The following GPATCH2 variants were observed in gnomAD, a reference collection of about 807,000 sequenced individuals.
GPATCH2 encodes G-patch domain containing 2.
Under a neutral mutation model 58.0 loss-of-function variants are expected in GPATCH2, and 51 were observed. The ratio of observed to expected loss-of-function variants is 0.88; its 90% CI spans 0.70 to 1.11. GPATCH2 has a LOEUF of 1.11. Among genes scored for constraint, GPATCH2 ranks in the 50% most tolerant of loss-of-function variants. GPATCH2 has a pLI of 0.00. For synonymous variants in GPATCH2, 222 were observed against 218.5 expected (o/e 1.02, Z -0.14); for missense variants, 625 against 652.2 (o/e 0.96, Z 0.45).
At chr1:217,551,367 T>C (rs1467573465) in intron 5 of GPATCH2, among the ~76,000 whole-genome samples, 1 of 152,106 alleles carries the variant, frequency 6.6e-6, no homozygotes, top group Non-Finnish European at 1.5e-5. Context: ...TCAGTATCAA[T>C]TGGGAACTTG....
At chr1:217,540,426 A>G (rs1054312022) in intron 5 of GPATCH2, among the ~76,000 whole-genome samples, 1 of 152,226 alleles carries the variant, frequency 6.6e-6, no homozygotes, top group Non-Finnish European at 1.5e-5. Flanking sequence ...TCAACAAAAC[A>G]CTGCATGATT....
At chr1:217,499,635 T>A (rs1314220018) in intron 6 of GPATCH2, among the ~76,000 whole-genome samples, 2 of 152,144 alleles carry the variant, frequency 1.3e-5, no homozygotes. Context: ...TTATTGGTAT[T>A]AGTAAATAAC....
chr1:217,628,831 G>A (rs557134189), intron 1 of GPATCH2, among the ~76,000 whole-genome samples: 2 of 152,106 alleles, frequency 1.3e-5, no homozygotes, highest in Non-Finnish European at 2.9e-5. Flanking sequence ...ATCCAGACTG[G>A]TTAACAAATT....
intron 5 of GPATCH2, among the ~76,000 whole-genome samples, chr1:217,589,527 G>A (rs1049151422): frequency 6.6e-6 from 1 of 152,002 alleles, no homozygotes; most frequent in Non-Finnish European, 1.5e-5. Flanking sequence ...CGGTCTTTTG[G>A]GTCTTTGGCT....
rs375299467 is a variant in GPATCH2 at position 217,444,111 on chromosome 1, G to A, written c.1366+5138C>T. 3.1e-3 allele frequency among the ~76,000 whole-genome samples: 466 copies of A among 152,282 alleles called. 14 individuals are homozygous for A. In the South Asian group the frequency reaches 0.079, roughly 26 times the overall value. Reference sequence around the variant, plus strand: ...TAATTTAAAACTAGAAACTCATTGTGAGGGCAGCCTCTTGGTCACAAATCT... The same window carrying A: ...TAATTTAAAACTAGAAACTCATTGTAAGGGCAGCCTCTTGGTCACAAATCT... On this transcript the variant is annotated intron_variant, in intron 9 of 9. Transcript: ENST00000366935.
intron 5 of GPATCH2, among the ~76,000 whole-genome samples, chr1:217,521,018 A>G (rs1663425337): frequency 6.6e-6 from 1 of 152,040 alleles, no homozygotes; most frequent in Non-Finnish European, 1.5e-5. Flanking sequence ...TTACTTCTTA[A>G]AAGTTTGTAT....
chr1:217,493,731 TAAGTC>T (rs1287412651), intron 7 of GPATCH2, among the ~76,000 whole-genome samples: 1 of 152,210 alleles, frequency 6.6e-6, no homozygotes, highest in Non-Finnish European at 1.5e-5. Flanking sequence ...TTGGCATTTC[TAAGTC>T]TAGTGCCTTT....
At chr1:217,550,619 T>C (rs554309110) in intron 5 of GPATCH2, among the ~76,000 whole-genome samples, 2 of 152,124 alleles carry the variant, frequency 1.3e-5, no homozygotes, top group East Asian at 3.9e-4. Flanking sequence ...TAATATCTAT[T>C]GACAAAATAA....
At chr1:217,585,342 G>A (rs752703833) in intron 5 of GPATCH2, among the ~76,000 whole-genome samples, 3 of 152,160 alleles carry the variant, frequency 2.0e-5, no homozygotes, top group Non-Finnish European at 4.4e-5. Context: ...GAACAGCAGT[G>A]CCGGGCGCGG....
chr1:217,543,516 G>T (rs7540977), intron 5 of GPATCH2, among the ~76,000 whole-genome samples: 2,331 of 152,012 alleles, frequency 0.015, 66 homozygotes, highest in African/African-American at 0.053. Flanking sequence ...TGATCTGCCC[G>T]TCTCGGCCTC....
intron 2 of GPATCH2, among the ~76,000 whole-genome samples, chr1:217,616,517 C>T (rs1219381014): frequency 6.6e-6 from 1 of 152,064 alleles, no homozygotes; most frequent in South Asian, 2.1e-4. Context: ...CTTAATGATC[C>T]TTGTCCTACT....
At chr1:217,462,325 A>C (rs1315158790) in intron 8 of GPATCH2, among the ~76,000 whole-genome samples, 1 of 152,180 alleles carries the variant, frequency 6.6e-6, no homozygotes, top group Non-Finnish European at 1.5e-5. Context: ...CAAATGCCAA[A>C]TGATTCAACA....
intron 8 of GPATCH2, among the ~76,000 whole-genome samples, chr1:217,471,044 G>C (rs1660703541): frequency 1.3e-5 from 2 of 151,772 alleles, no homozygotes; most frequent in African/African-American, 4.8e-5. Context: ...GAATAAACTA[G>C]AAATTTTACT....
intron 8 of GPATCH2, among the ~76,000 whole-genome samples, chr1:217,458,845 T>C (rs528638568): frequency 6.6e-5 from 10 of 152,198 alleles, no homozygotes; most frequent in Admixed American, 1.3e-4. Context: ...TTTCTCCGTA[T>C]TTCCATATCA....
intron 1 of GPATCH2, among the ~76,000 whole-genome samples, chr1:217,621,129 T>A (rs1669168950): frequency 6.6e-6 from 1 of 152,220 alleles, no homozygotes; most frequent in Admixed American, 6.5e-5. Context: ...GGCCCATCAT[T>A]ACTTCATTCT....
intron 8 of GPATCH2, among the ~76,000 whole-genome samples, chr1:217,483,801 C>A (rs1661327094): frequency 1.3e-5 from 2 of 152,082 alleles, no homozygotes; most frequent in South Asian, 4.1e-4. Flanking sequence ...TCCAGTCAAA[C>A]TTTTCCTTAT....
chr1:217,577,268 A>C (rs1459940260), intron 5 of GPATCH2, among the ~76,000 whole-genome samples: 1 of 152,234 alleles, frequency 6.6e-6, no homozygotes, highest in African/African-American at 2.4e-5. Flanking sequence ...AGTAAGAATA[A>C]TACAACTCAA....
chr1:217,518,596 T>A (rs1466270692), intron 5 of GPATCH2, among the ~76,000 whole-genome samples: 1 of 152,224 alleles, frequency 6.6e-6, no homozygotes, highest in Non-Finnish European at 1.5e-5. Flanking sequence ...TAAACCTATC[T>A]GAGACACAAG....
intron 5 of GPATCH2, among the ~76,000 whole-genome samples, chr1:217,601,476 CA>C (rs1668105570): frequency 6.6e-6 from 1 of 151,464 alleles, no homozygotes; most frequent in Non-Finnish European, 1.5e-5. Context: ...ACCTGGTAAA[CA>C]AAAGTGCCTT....
Sources: allele counts gnomAD v4.1 joint callset (sites outside exome capture counted in the v4.1 genomes callset), GRCh38; gene constraint gnomAD v4.1.1; transcripts MANE v1.5; gene names NCBI Gene and HGNC (gene_info 2026-07-23, HGNC 2026-07-21).